The following ORC3 variants were observed in gnomAD, a reference collection of about 807,000 sequenced individuals.
ORC3 encodes the protein homolog of latheo, Drosophila.
In ORC3, 78 loss-of-function variants were observed where a neutral mutation model predicts 100.7. The observed-to-expected ratio is 0.77, with a 90% confidence interval of 0.65 to 0.94. The LOEUF (loss-of-function observed/expected upper bound fraction) is 0.94. Ranked by LOEUF, ORC3 falls within the 40% of genes least tolerant of loss-of-function variation. The pLI is 0.00. For missense variants in ORC3, 789 were observed against 823.9 expected (o/e 0.96, Z 0.52); for synonymous variants, 295 against 289.3 (o/e 1.02, Z -0.20).
At chr6:87,608,049 A>C (rs1405910428) in intron 6 of ORC3, among the ~76,000 whole-genome samples, 1 of 152,190 alleles carries the variant, frequency 6.6e-6, no homozygotes, top group African/African-American at 2.4e-5. Context: ...TTTTACAAGG[A>C]CATATTATTT....
At chr6:87,594,505 C>T in intron 2 of ORC3, 98 bp downstream of exon 2, 1 of 1,403,542 alleles carries the variant, frequency 7.1e-7, no homozygotes, top group Non-Finnish European at 9.4e-7. Context: ...CTAACCTTGG[C>T]TTACTTGCCA....
intron 6 of ORC3, among the ~76,000 whole-genome samples, chr6:87,608,756 C>T (rs575275331): frequency 1.3e-5 from 2 of 152,230 alleles, no homozygotes; most frequent in South Asian, 4.1e-4. Context: ...TACTAGTTCT[C>T]ACTATAAAGC....
intron 7 of ORC3, among the ~76,000 whole-genome samples, chr6:87,611,255 T>G (rs969672258): frequency 6.6e-6 from 1 of 152,028 alleles, no homozygotes; most frequent in African/African-American, 2.4e-5. Context: ...AGGACTTGCA[T>G]GAACCATTGC....
At chr6:87,668,398 A>G (rs1770761490), downstream of ORC3, among the ~76,000 whole-genome samples, 1 of 152,166 alleles carries the variant, frequency 6.6e-6, no homozygotes, top group African/African-American at 2.4e-5. Context: ...AAATATTTGC[A>G]TTATACTTAA....
At chr6:87,671,375 A>G (rs1346408333), downstream of ORC3, among the ~76,000 whole-genome samples, 1 of 152,176 alleles carries the variant, frequency 6.6e-6, no homozygotes, top group African/African-American at 2.4e-5. Flanking sequence ...CTGCCTAGAA[A>G]CAAAGAATGG....
intron 14 of ORC3, among the ~76,000 whole-genome samples, chr6:87,656,622 G>C (rs973616518): frequency 2.6e-5 from 4 of 151,870 alleles, no homozygotes; most frequent in African/African-American, 9.7e-5. Flanking sequence ...ACTTTTTGCT[G>C]TTGGTTTGAG....
At chr6:87,659,252 C>T (rs553643187) in intron 16 of ORC3, among the ~76,000 whole-genome samples, 16 of 151,500 alleles carry the variant, frequency 1.1e-4, no homozygotes, top group South Asian at 2.1e-4. Flanking sequence ...TTAGTAGAGA[C>T]GGGGTTTCAC....
At chr6:87,662,931 A>T (rs1770306319) in intron 16 of ORC3, 72 bp from the exon 17 acceptor site, 1 of 975,008 alleles carries the variant, frequency 1.0e-6, no homozygotes, top group Non-Finnish European at 1.4e-6. Context: ...TAAAGGAAAA[A>T]ATATATATAT....
intron 8 of ORC3, among the ~76,000 whole-genome samples, chr6:87,614,601 G>T (rs1779023334): frequency 6.6e-6 from 1 of 152,094 alleles, no homozygotes; most frequent in Non-Finnish European, 1.5e-5. Flanking sequence ...CAGAACTCAA[G>T]TCACCTCTTG....
intron 16 of ORC3, 100 bp from the exon 17 acceptor site, chr6:87,662,903 T>C (rs1413745513): frequency 1.4e-5 from 9 of 656,942 alleles, no homozygotes; most frequent in Admixed American, 7.9e-5. Context: ...ATAGTGAAAA[T>C]TGAAGTCCAA....
intron 13 of ORC3, among the ~76,000 whole-genome samples, chr6:87,648,032 T>C (rs955879678): frequency 6.6e-6 from 1 of 152,094 alleles, no homozygotes; most frequent in African/African-American, 2.4e-5. Context: ...AAACCGCCTG[T>C]CTACTAAAAA....
intron 9 of ORC3, among the ~76,000 whole-genome samples, chr6:87,618,571 C>G (rs879822546): frequency 6.6e-6 from 1 of 152,006 alleles, no homozygotes. Context: ...GAAATAGGAG[C>G]GAGCCAGGTC....
intron 13 of ORC3, among the ~76,000 whole-genome samples, chr6:87,641,294 T>C (rs1176110861): frequency 6.6e-6 from 1 of 152,230 alleles, no homozygotes; most frequent in Non-Finnish European, 1.5e-5. Flanking sequence ...TCTACAGTTA[T>C]TCCATTTTCT....
At chr6:87,618,690 T>A (rs547052650) in intron 9 of ORC3, among the ~76,000 whole-genome samples, 1 of 151,806 alleles carries the variant, frequency 6.6e-6, no homozygotes, top group Admixed American at 6.6e-5. Flanking sequence ...GTAATGGTAG[T>A]GGAACTGGAG....
At chr6:87,671,851 C>A (rs144695869), downstream of ORC3, among the ~76,000 whole-genome samples, 429 of 152,256 alleles carry the variant, frequency 2.8e-3, 2 homozygotes, top group African/African-American at 9.6e-3. Context: ...ACTTAACAGC[C>A]TGGAAAAGCC....
chr6:87,662,690 T>A (rs1770284849), intron 16 of ORC3, among the ~76,000 whole-genome samples: 1 of 151,916 alleles, frequency 6.6e-6, no homozygotes, highest in South Asian at 2.1e-4. Context: ...TTCCTAAAGG[T>A]TTAACTCAGA....
At chr6:87,647,558 C>T (rs60313720) in intron 13 of ORC3, among the ~76,000 whole-genome samples, 4,820 of 152,258 alleles carry the variant, frequency 0.032, 100 homozygotes, top group Middle Eastern at 0.054. Flanking sequence ...CAATTTTTAA[C>T]GCATATATCG....
intron 1 of ORC3, among the ~76,000 whole-genome samples, chr6:87,590,611 A>G (rs1776756061): frequency 6.6e-6 from 1 of 152,198 alleles, no homozygotes; most frequent in Admixed American, 6.5e-5. Flanking sequence ...TAGCAAGGAA[A>G]AGAGTTCTAG....
chr6:87,640,111 A>C (rs533576206), intron 13 of ORC3, among the ~76,000 whole-genome samples: 1 of 149,694 alleles, frequency 6.7e-6, no homozygotes, highest in East Asian at 2.0e-4. Flanking sequence ...GGAAACCCTT[A>C]TCTTGTAAAG....
Sources: gnomAD v4.1 joint callset for allele counts (sites outside exome capture counted in the v4.1 genomes callset) on GRCh38, gnomAD v4.1.1 for gene constraint, MANE v1.5 for transcripts, NCBI Gene and HGNC (gene_info 2026-07-23, HGNC 2026-07-21) for gene names.